The following CTNNA3 variants were observed in gnomAD, a reference collection of about 807,000 sequenced individuals.
The protein encoded by CTNNA3 is catenin alpha-3.
In CTNNA3, 76 loss-of-function variants were observed where a neutral mutation model predicts 95.7. The ratio of observed to expected loss-of-function variants is 0.79; its 90% CI spans 0.66 to 0.96. The LOEUF (loss-of-function observed/expected upper bound fraction) is 0.96, where lower values mean the gene tolerates loss of function less well. CTNNA3 is among the 40% of genes least tolerant of loss of function. The probability of loss-of-function intolerance (pLI) is 0.00; values close to 1 mark genes in which losing one functional copy is unlikely to be tolerated. For missense variants in CTNNA3, 1,191 were observed against 1,089.8 expected (o/e 1.09, Z -1.31); for synonymous variants, 431 against 374.4 (o/e 1.15, Z -1.74).
chr10:66,345,375 G>T (rs2092498242), intron 12 of CTNNA3, among the ~76,000 whole-genome samples: 1 of 152,058 alleles, frequency 6.6e-6, no homozygotes, highest in Non-Finnish European at 1.5e-5. Context: ...ACATAAAAAT[G>T]CTCATTTCCA....
intron 9 of CTNNA3, among the ~76,000 whole-genome samples, chr10:66,713,777 G>C (rs1848367908): frequency 6.6e-6 from 1 of 151,940 alleles, no homozygotes; most frequent in South Asian, 2.1e-4. Context: ...AAACCCTCCA[G>C]TAATATCCCA....
chr10:66,486,919 C>T lies in CTNNA3; in HGVS notation c.1531+33698G>A, dbSNP rs78014807. On this transcript the variant is annotated intron_variant, in intron 11 of 17. Transcript: ENST00000433211. Reference sequence around the variant, plus strand: ...TGACAACATACACGGACCCGAAATACATTATGCTAAGTGACATAAGCTAGG... The same window carrying T: ...TGACAACATACACGGACCCGAAATATATTATGCTAAGTGACATAAGCTAGG... Among the ~76,000 whole-genome samples the T allele has an allele frequency of 3.1e-3, 473 of 152,072 alleles. 1 individual carries two copies. The highest frequency in any genetic ancestry group is 0.011 in the African/African-American group (459 of 41,488).
At position 67,598,835 on chromosome 10, in the gene CTNNA3, T is replaced by TA. The variant is rs533674726; in HGVS notation, c.292+8021dup. The stretch of plus-strand genomic sequence containing the variant: ...GGACAGAATGAGCAAAAACTGAAGG[T>TA]AAAAAAATCTCATAAAAGAGAAAAC... On this transcript the variant is annotated intron_variant, in intron 3 of 17. Transcript: ENST00000433211. Among the ~76,000 whole-genome samples the TA allele has an allele frequency of 2.8e-3, 419 of 151,532 alleles. 3 individuals are homozygous for TA. The highest frequency in any genetic ancestry group is 0.01 in the Middle Eastern group (3 of 294).
At chr10:67,137,725 C>T (rs1860364655) in intron 7 of CTNNA3, among the ~76,000 whole-genome samples, 2 of 151,902 alleles carry the variant, frequency 1.3e-5, no homozygotes, top group African/African-American at 4.8e-5. Flanking sequence ...GGTAAAGCCA[C>T]CTGCAGAGGA....
intron 1 of CTNNA3, among the ~76,000 whole-genome samples, chr10:67,755,394 G>C (rs1476845337): frequency 6.6e-6 from 1 of 152,118 alleles, no homozygotes; most frequent in African/African-American, 2.4e-5. Context: ...TACGCGATTG[G>C]CAAGAATGTA....
intron 5 of CTNNA3, among the ~76,000 whole-genome samples, chr10:67,230,966 C>T (rs74492081): frequency 1.3e-5 from 2 of 152,146 alleles, no homozygotes; most frequent in Admixed American, 6.5e-5. Context: ...GCTTTTCCGA[C>T]GGGCTTAAAA....
At chr10:67,057,047 C>T (rs767709352) in intron 7 of CTNNA3, among the ~76,000 whole-genome samples, 6 of 152,148 alleles carry the variant, frequency 3.9e-5, no homozygotes, top group Non-Finnish European at 8.8e-5. Context: ...AATTCTGCCT[C>T]CTCTTGGATT....
intron 5 of CTNNA3, among the ~76,000 whole-genome samples, chr10:67,357,166 C>T (rs185895772): frequency 2.0e-5 from 3 of 152,124 alleles, no homozygotes; most frequent in Admixed American, 6.6e-5. Flanking sequence ...CTAAGAAAAC[C>T]TCTCCACATG....
chr10:66,712,837 A>G (rs962087752), intron 9 of CTNNA3, among the ~76,000 whole-genome samples: 1 of 152,150 alleles, frequency 6.6e-6, no homozygotes, highest in African/African-American at 2.4e-5. Context: ...ACTACACCAC[A>G]AATAAGCTCA....
chr10:66,019,369 T>C (rs1051446898), intron 15 of CTNNA3, among the ~76,000 whole-genome samples: 4 of 152,160 alleles, frequency 2.6e-5, no homozygotes, highest in African/African-American at 9.6e-5. Flanking sequence ...AATTTTTAAA[T>C]AGATCAGTGT....
chr10:66,481,818 A>G (rs9731018), intron 11 of CTNNA3, among the ~76,000 whole-genome samples: 8,883 of 151,274 alleles, frequency 0.059, 574 homozygotes, highest in African/African-American at 0.16. Flanking sequence ...TAGTTGTTAT[A>G]TAATCACGAC....
chr10:66,632,736 A>G (rs1305591121), intron 9 of CTNNA3, among the ~76,000 whole-genome samples: 1 of 152,022 alleles, frequency 6.6e-6, no homozygotes, highest in Admixed American at 6.6e-5. Flanking sequence ...TACTACATAA[A>G]AAATTTTAAA....
At chr10:66,122,671 C>G (rs765620377) in intron 13 of CTNNA3, among the ~76,000 whole-genome samples, 2 of 152,188 alleles carry the variant, frequency 1.3e-5, no homozygotes, top group Non-Finnish European at 2.9e-5. Flanking sequence ...ATACCAAAGA[C>G]TGGGCAATTT....
At chr10:67,322,341 C>T (rs1841355543) in intron 5 of CTNNA3, among the ~76,000 whole-genome samples, 1 of 152,106 alleles carries the variant, frequency 6.6e-6, no homozygotes, top group African/African-American at 2.4e-5. Context: ...AAGTTCAGTA[C>T]CCAGTGGTTA....
chr10:66,443,471 C>T (rs1054162316), intron 11 of CTNNA3, among the ~76,000 whole-genome samples: 6 of 152,024 alleles, frequency 3.9e-5, no homozygotes, highest in Non-Finnish European at 7.4e-5. Flanking sequence ...TCCAGAGGAA[C>T]GATCAGGCAG....
intron 10 of CTNNA3, among the ~76,000 whole-genome samples, chr10:66,549,394 T>C (rs1340975985): frequency 1.3e-5 from 2 of 152,188 alleles, no homozygotes; most frequent in Non-Finnish European, 2.9e-5. Context: ...ATATTGATTA[T>C]CGTTTTTATT....
chr10:66,153,164 T>C (rs1404968711), intron 13 of CTNNA3, among the ~76,000 whole-genome samples: 2 of 152,120 alleles, frequency 1.3e-5, no homozygotes, highest in African/African-American at 4.8e-5. Context: ...ATAATTTGCA[T>C]TCAGTTCTTT....
intron 2 of CTNNA3, among the ~76,000 whole-genome samples, chr10:67,632,840 G>A (rs541165484): frequency 1.1e-4 from 16 of 152,206 alleles, no homozygotes; most frequent in Admixed American, 5.9e-4. Context: ...AGATCTGTCC[G>A]TATATATCCC....
rs566837444 is a variant in CTNNA3 at position 67,713,190 on chromosome 10, T to A, written c.-2+50244A>T. On this transcript the variant is annotated intron_variant, in intron 1 of 17. Transcript: ENST00000684154. The stretch of plus-strand genomic sequence containing the variant: ...CAACAAACAAATGAAAAAAAGCTCA[T>A]CATCACTGGTCATTAGAGAAATGCA... Among the ~76,000 whole-genome samples, 4 of 152,286 alleles carry A rather than the reference T, an allele frequency of 2.6e-5. No homozygotes were observed. The South Asian group carries it at 8.3e-4, about 32-fold the overall frequency.
Sources: allele counts gnomAD v4.1 joint callset (sites outside exome capture counted in the v4.1 genomes callset), GRCh38; gene constraint gnomAD v4.1.1; transcripts MANE v1.5; gene names NCBI Gene and HGNC (gene_info 2026-07-23, HGNC 2026-07-21).